Variants in ACTN1 observed in about 807,000 individuals in gnomAD.
ACTN1 encodes the protein actinin alpha 1, also known as alpha-actinin-1.
A neutral mutation model predicts 119.6 loss-of-function variants in ACTN1; 30 were observed. The ratio of observed to expected loss-of-function variants is 0.25; its 90% confidence interval spans 0.19 to 0.34. ACTN1 has a LOEUF of 0.34. Among genes scored for constraint, ACTN1 ranks in the 10% least tolerant of loss-of-function variants. ACTN1 has a pLI of 1.00. For synonymous variants in ACTN1, 429 were observed against 472.6 expected (o/e 0.91, Z 1.20); for missense variants, 764 against 1,223.4 (o/e 0.62, Z 5.60).
intron 9 of ACTN1, 123 bp downstream of exon 9, chr14:68,893,532 A>T (rs1024983725): frequency 4.3e-6 from 4 of 923,754 alleles, no homozygotes; most frequent in Non-Finnish European, 6.5e-6. Context: ...GCCCTGGACT[A>T]GCAGTATTGG....
chr14:68,877,365 C>T, intron 20 of ACTN1, 125 bp from the exon 21 acceptor site: 4 of 1,234,968 alleles, frequency 3.2e-6, no homozygotes, highest in Non-Finnish European at 4.5e-6. Flanking sequence ...TCCCCCTGAC[C>T]TAACCTGGGT....
intron 8 of ACTN1, among the ~76,000 whole-genome samples, chr14:68,897,718 T>C (rs1288255072): frequency 6.6e-6 from 1 of 152,230 alleles, no homozygotes; most frequent in Non-Finnish European, 1.5e-5. Flanking sequence ...TCTTTCCCTC[T>C]GTCCGGAGTC....
At chr14:68,901,128 CAG>C (rs1239534033) in intron 8 of ACTN1, among the ~76,000 whole-genome samples, 1 of 150,204 alleles carries the variant, frequency 6.7e-6, no homozygotes, top group Non-Finnish European at 1.5e-5. Context: ...GGGAGGTGAG[CAG>C]AGTCTGAGGC....
intron 7 of ACTN1, 118 bp downstream of exon 7, chr14:68,904,537 G>A: frequency 1.2e-6 from 1 of 810,344 alleles, no homozygotes; most frequent in Non-Finnish European, 2.0e-6. Flanking sequence ...CTCAAATGCG[G>A]TCCCAGAAGA....
At chr14:68,892,659 GA>G (rs2032583040) in intron 9 of ACTN1, among the ~76,000 whole-genome samples, 1 of 152,198 alleles carries the variant, frequency 6.6e-6, no homozygotes, top group Non-Finnish European at 1.5e-5. Flanking sequence ...CTATACCATG[GA>G]GGGGGTTAAC....
At chr14:68,972,665 C>A (rs185908479) in intron 1 of ACTN1, among the ~76,000 whole-genome samples, 114 of 152,324 alleles carry the variant, frequency 7.5e-4, no homozygotes, top group African/African-American at 2.7e-3. Context: ...GTTCTACCCA[C>A]GCAAGCATTT....
chr14:68,971,900 A>G (rs2036900064), intron 1 of ACTN1, among the ~76,000 whole-genome samples: 1 of 152,124 alleles, frequency 6.6e-6, no homozygotes. Flanking sequence ...CCGCTTCTGT[A>G]GTGGGCTAGG....
chr14:68,957,164 G>T (rs1009057318), intron 1 of ACTN1, among the ~76,000 whole-genome samples: 20 of 152,334 alleles, frequency 1.3e-4, no homozygotes, highest in Non-Finnish European at 1.3e-4. Context: ...CAGATGGGCT[G>T]GCCGGAGGAT....
chr14:68,973,323 C>G (rs866792997), intron 1 of ACTN1, among the ~76,000 whole-genome samples: 1 of 152,142 alleles, frequency 6.6e-6, no homozygotes, highest in African/African-American at 2.4e-5. Context: ...GTGGGAGGGA[C>G]CCGGTGGGAG....
At chr14:68,964,777 G>A (rs901793657) in intron 1 of ACTN1, among the ~76,000 whole-genome samples, 4 of 152,178 alleles carry the variant, frequency 2.6e-5, no homozygotes, top group African/African-American at 4.8e-5. Context: ...CTGGACATGC[G>A]GTAATAAGTG....
chr14:68,911,456 G>A (rs2034000158), intron 4 of ACTN1, among the ~76,000 whole-genome samples: 1 of 152,186 alleles, frequency 6.6e-6, no homozygotes, highest in Non-Finnish European at 1.5e-5. Context: ...GCATCACAGA[G>A]TGTCACACCT....
At chr14:68,886,175 T>C (rs1361696749) in intron 11 of ACTN1, 1 of 152,282 alleles carries the variant, frequency 6.6e-6, no homozygotes, top group African/African-American at 2.4e-5. Flanking sequence ...GGGCCATTGT[T>C]AGACGACGCT....
chr14:68,956,857 T>C (rs746850502), intron 1 of ACTN1, among the ~76,000 whole-genome samples: 3 of 152,188 alleles, frequency 2.0e-5, no homozygotes, highest in Admixed American at 6.5e-5. Context: ...GAGTTCATTG[T>C]GGTTTTCTGG....
intron 11 of ACTN1, chr14:68,887,635 A>T: frequency 7.3e-7 from 1 of 1,372,582 alleles, no homozygotes; most frequent in Non-Finnish European, 9.8e-7. Flanking sequence ...TTTACACTTA[A>T]AAAATGGGAT....
intron 4 of ACTN1, among the ~76,000 whole-genome samples, chr14:68,911,188 A>G (rs1029304148): frequency 8.5e-5 from 13 of 152,264 alleles, no homozygotes; most frequent in African/African-American, 3.1e-4. Flanking sequence ...CAATTTAAAA[A>G]TTGGAAAAGC....
rs370300375 is a variant in ACTN1, at chr14:68,878,516, G to A, written c.2369C>T (p.Thr790Ile). 5 of 1,605,022 alleles carry A rather than the reference G, an allele frequency of 3.1e-6. No homozygotes were observed. In the African/African-American group the frequency reaches 5.4e-5, roughly 17 times the overall value. ...GAAATCATCCGTGTCCATCATGCCT[G>A]TCTTCTTCTGTGGGGGGCAGTGGTA... Reference protein sequence around the residue: ...YDIGNDPQKKTGMMDTDDFRA... With the variant: ...YDIGNDPQKKIGMMDTDDFRA... The change falls in exon 20 of 22, where the codon ACA becomes ATA. Residue 790 changes from threonine (T) to isoleucine (I), a missense_variant. By Grantham distance (89) the Thr-to-Ile change is moderately conservative. Transcript: ENST00000394419. The surrounding 1 kb of genome is among the most constrained non-coding windows in gnomAD (Gnocchi z 4.4).
chr14:68,922,048 G>T (rs3784137), intron 2 of ACTN1, among the ~76,000 whole-genome samples: 76,217 of 152,028 alleles, frequency 0.5, 19,961 homozygotes, highest in East Asian at 0.72. Flanking sequence ...GTGCAGCATA[G>T]AGCCATACCT....
intron 3 of ACTN1, among the ~76,000 whole-genome samples, chr14:68,916,596 G>A (rs2034307548): frequency 6.6e-6 from 1 of 152,162 alleles, no homozygotes; most frequent in African/African-American, 2.4e-5. Flanking sequence ...TCCCTGGCAT[G>A]GCAGGTCCTG....
At chr14:68,911,780 G>C (rs565959652) in intron 4 of ACTN1, among the ~76,000 whole-genome samples, 1 of 152,218 alleles carries the variant, frequency 6.6e-6, no homozygotes. Flanking sequence ...GGCCACTAGA[G>C]GGTGCTAGGG....
Sources: gnomAD v4.1 joint callset for allele counts (sites outside exome capture counted in the v4.1 genomes callset) on GRCh38, gnomAD v4.1.1 for gene constraint, Gnocchi (gnomAD v3.1) non-coding constraint, MANE v1.5 for transcripts, NCBI Gene and HGNC (gene_info 2026-07-23, HGNC 2026-07-21) for gene names.